Variants in OR1I1 observed in about 807,000 individuals in gnomAD.
OR1I1 encodes olfactory receptor family 1 subfamily I member 1, also known as olfactory receptor 1I1.
For missense variants in OR1I1, 451 were observed against 443.6 expected (o/e 1.02, Z -0.15); for synonymous variants, 171 against 181.4 (o/e 0.94, Z 0.46).
rs149095426 is a variant in OR1I1, at chr19:15,088,089, C to T, written c.1024C>T (p.Pro342Ser). 5.1e-6 allele frequency: 8 copies of T among 1,566,548 alleles called. No individual in the cohort carries two copies. In the East Asian group the frequency reaches 1.6e-4, roughly 32 times the overall value. The change falls in exon 2 of 2, where the codon CCT (proline) becomes TCT (serine). Residue 342 changes from proline to serine, a missense_variant. Coordinates refer to ENST00000641398, the MANE Select transcript of OR1I1 (RefSeq NM_001004713.2). ...CACAGAGATGCATCCCATCCCCTAC[C>T]CTGGAGGAGTTCAGAGTCTAGCTGG... ...RDTEMHPIPY[P>S]GGVQSLAGNR...
At chr19:15,085,139 T>C (rs1236561765) in intron 1 of OR1I1, among the ~76,000 whole-genome samples, 1 of 10,664 alleles carries the variant, frequency 9.4e-5, no homozygotes, top group Admixed American at 6.8e-4. Context: ...CTTATATATA[T>C]ATATATATAT....
intron 1 of OR1I1, among the ~76,000 whole-genome samples, chr19:15,086,528 G>A (rs1037687210): frequency 4.6e-5 from 7 of 151,062 alleles, no homozygotes; most frequent in Non-Finnish European, 3.0e-5. Flanking sequence ...ATCTCTGCTC[G>A]CTGCAAACTT....
At chr19:15,085,572 T>C (rs2046227406) in intron 1 of OR1I1, among the ~76,000 whole-genome samples, 1 of 152,092 alleles carries the variant, frequency 6.6e-6, no homozygotes, top group Admixed American at 6.6e-5. Context: ...TCTGAGTTTC[T>C]CTGGTATACA....
At chr19:15,085,016 T>A (rs2046222511) in intron 1 of OR1I1, among the ~76,000 whole-genome samples, 2 of 150,516 alleles carry the variant, frequency 1.3e-5, no homozygotes, top group Admixed American at 1.3e-4. Context: ...ATAGATCTTG[T>A]ATTAGATAAT....
intron 1 of OR1I1, among the ~76,000 whole-genome samples, chr19:15,084,140 C>A (rs1242441251): frequency 6.6e-6 from 1 of 152,206 alleles, no homozygotes; most frequent in Non-Finnish European, 1.5e-5. Flanking sequence ...AGTCTAAATT[C>A]AAAGGCGAGA....
intron 1 of OR1I1, among the ~76,000 whole-genome samples, chr19:15,082,654 A>T (rs747071809): frequency 1.3e-5 from 2 of 151,708 alleles, no homozygotes; most frequent in Non-Finnish European, 1.5e-5. Context: ...CAGCTCCCCA[A>T]GTGTGGTCCC....
rs140803534 is a variant in OR1I1, at chr19:15,087,719, C to T, written c.654C>T (p.Tyr218=). ...CATTCTCCTGCATCCTTCTCTCGTA[C>T]ATCCGCATTTTCTGGACAGTCTTTA... ...TSPFSCILLS[Y]IRIFWTVFKI... The change falls in exon 2 of 2, where the codon TAC becomes TAT. Residue 218 remains tyrosine (Y), a synonymous_variant. Transcript: ENST00000641398. 3.1e-6 allele frequency: 5 copies of T among 1,614,122 alleles called. No homozygotes were observed. Among genetic ancestry groups the T allele is most frequent in the Non-Finnish European group, 4.2e-6 (5 of 1,180,054 alleles).
In OR1I1 at chr19:15,088,340, G is replaced by T; in HGVS notation, c.*207G>T. 6 of 566,164 alleles carry T rather than the reference G, an allele frequency of 1.1e-5. No homozygotes were observed. Among genetic ancestry groups the T allele is most frequent in the Non-Finnish European group, 1.5e-5 (5 of 329,670 alleles). 35.1% of individuals were successfully genotyped at this position (566,164 alleles called of 1,614,324 possible). ...ATAAGAGTAGTTGAAAACAAGAGAC[G>T]TAGCTACACTCATTTTAGTATTGAC... On this transcript the variant is annotated 3_prime_UTR_variant, in exon 2 of 2. Coordinates refer to ENST00000641398, the MANE Select transcript of OR1I1 (RefSeq NM_001004713.2).
chr19:15,085,153 TATATATATATATATATA>T (rs2046224125), intron 1 of OR1I1, among the ~76,000 whole-genome samples: 13 of 54,104 alleles, frequency 2.4e-4, no homozygotes, highest in African/African-American at 7.2e-4. Flanking sequence ...TATATATATA[TATATATATATATATATA>T]TATATATTTT....
rs553940038 is a variant in OR1I1 at position 15,089,827 on chromosome 19, C to T, written c.*1694C>T. On this transcript the variant is annotated 3_prime_UTR_variant, in exon 2 of 2. Coordinates refer to ENST00000641398, the MANE Select transcript of OR1I1 (RefSeq NM_001004713.2). ...CTCCAGCCTGGGAAACAGAGCAAGG[C>T]CCTGTCTGCAAAAGTAATAATAATA... 6 of 152,102 alleles carry T rather than the reference C, an allele frequency of 3.9e-5. No individual in the cohort carries two copies. The East Asian group carries it at 7.7e-4, about 20-fold the overall frequency. The allele number at this position is 152,102 out of a possible 1,614,324, so 9.4% of individuals were successfully genotyped here.
rs1381041464 is a variant in OR1I1 at position 15,092,645 on chromosome 19, T to C, written c.*4512T>C. The C allele has an allele frequency of 1.3e-5, 2 of 152,204 alleles. No individual in the cohort carries two copies. Among genetic ancestry groups the C allele is most frequent in the Non-Finnish European group, 1.5e-5 (1 of 68,044 alleles). 9.4% of individuals were successfully genotyped at this position (152,204 alleles called of 1,614,324 possible). A position where few individuals can be genotyped will look rare whatever the true frequency, so the allele number is the denominator to read the frequency against. On this transcript the variant is annotated 3_prime_UTR_variant, in exon 2 of 2. Transcript: ENST00000641398. The stretch of plus-strand genomic sequence containing the variant: ...ACACAGAAGCTTCCATTTCATATCA[T>C]AGTACATGTCATACCTTGTAGCCTT...
intron 1 of OR1I1, among the ~76,000 whole-genome samples, chr19:15,086,440 CTTT>C (rs1413650315): frequency 6.6e-6 from 1 of 151,946 alleles, no homozygotes; most frequent in Non-Finnish European, 1.5e-5. Flanking sequence ...GCTTGATTTT[CTTT>C]TTTTATTTTT....
rs572919547 is a variant in OR1I1 at position 15,087,573 on chromosome 19, G to C, written c.508G>C (p.Ala170Pro). ...TCLMAQLTFC[A>P]GSEISHFFCD... ...CCTCATGGCTCAACTGACCTTCTGCGCCGGCTCTGAAATCTCCCACTTCTT... is the reference window on the plus strand; with the variant it reads ...CCTCATGGCTCAACTGACCTTCTGCCCCGGCTCTGAAATCTCCCACTTCTT... Residue 170 changes from alanine to proline, a missense_variant, in exon 2 of 2, where the codon GCC becomes CCC. By Grantham distance (27) the Ala-to-Pro change is conservative (BLOSUM62 -1). Transcript: ENST00000641398. The C allele has an allele frequency of 6.2e-7, 1 of 1,613,860 alleles. No individual in the cohort carries two copies. Among genetic ancestry groups the C allele is most frequent in the Non-Finnish European group, 8.5e-7 (1 of 1,180,044 alleles).
At position 15,088,196 on chromosome 19, in the gene OR1I1, A is replaced by G; in HGVS notation, c.*63A>G. 6.8e-7 allele frequency: 1 copy of G among 1,474,832 alleles called. No individual in the cohort carries two copies. Among genetic ancestry groups the G allele is most frequent in the East Asian group, 2.5e-5 (1 of 40,288 alleles). The allele number at this position is 1,474,832 out of a possible 1,614,324, so 91.4% of individuals were successfully genotyped here. ...GATGAACAAAGTGTATGAGCACCCA[A>G]AGGAAAGGTGTGCATTTTCCCCAGG... On this transcript the variant is annotated 3_prime_UTR_variant, in exon 2 of 2. Transcript: ENST00000641398.
At chr19:15,086,329 A>G (rs2046230003) in intron 1 of OR1I1, among the ~76,000 whole-genome samples, 2 of 152,076 alleles carry the variant, frequency 1.3e-5, no homozygotes, top group South Asian at 4.2e-4. Flanking sequence ...AAGAAAAAGG[A>G]AAAAGAAAAC....
Position 15,087,121 on chromosome 19 carries a change from A to C in OR1I1, c.56A>C (p.Glu19Ala). Residue 19 changes from glutamate to alanine, a missense_variant, in exon 2 of 2, where the codon GAA becomes GCA. Coordinates refer to ENST00000641398, the MANE Select transcript of OR1I1 (RefSeq NM_001004713.2). ...GAATTCTTCCTCCAGGGACTCTCAG[A>C]AAAGCCAGAGCATCAGACCCTCCTC... The part of the protein sequence containing the change: ...ISEFFLQGLS[E>A]KPEHQTLLFT... 6.2e-7 allele frequency: 1 copy of C among 1,614,090 alleles called. No individual in the cohort carries two copies. The highest frequency in any genetic ancestry group is 8.5e-7 in the Non-Finnish European group (1 of 1,180,004).
chr19:15,085,176 A>ATAT (rs1555717400), intron 1 of OR1I1, among the ~76,000 whole-genome samples: 9 of 80,116 alleles, frequency 1.1e-4, no homozygotes, highest in Admixed American at 3.6e-4. Context: ...ATATATATAT[A>ATAT]TTTTTTTTTT....
rs751591000 is a variant in OR1I1, at chr19:15,088,115, G to T, written c.1050G>T (p.Gly350=). 1 of 1,556,016 alleles carries T rather than the reference G, an allele frequency of 6.4e-7. No individual in the cohort carries two copies. The highest frequency in any genetic ancestry group is 1.2e-5 in the South Asian group (1 of 84,968). ...CTGGAGGAGTTCAGAGTCTAGCTGGGAACAGAGACATGGAATAAATCCTTC... is the reference window on the plus strand; with the variant it reads ...CTGGAGGAGTTCAGAGTCTAGCTGGTAACAGAGACATGGAATAAATCCTTC... ...PYPGGVQSLA[G]NRDME Residue 350 remains glycine, a synonymous_variant, in exon 2 of 2, where the codon GGG becomes GGT. Coordinates refer to ENST00000641398, the MANE Select transcript of OR1I1 (RefSeq NM_001004713.2).
rs35396476 is a variant in OR1I1, at chr19:15,087,969, G to A, written c.904G>A (p.Gly302Arg). The change falls in exon 2 of 2, where the codon GGG becomes AGG. Residue 302 changes from glycine (G) to arginine (R), a missense_variant. Gly to Arg is a moderately radical substitution (Grantham distance 125, BLOSUM62 -2). Coordinates refer to ENST00000641398, the MANE Select transcript of OR1I1 (RefSeq NM_001004713.2). Reference protein sequence around the residue: ...IRNKDMKAALGKLIGKVAVPC... With the variant: ...IRNKDMKAALRKLIGKVAVPC... Reference sequence around the variant, plus strand: ...GAACAAGGATATGAAGGCAGCCCTGGGGAAGCTCATCGGCAAAGTGGCCGT... The same window carrying A: ...GAACAAGGATATGAAGGCAGCCCTGAGGAAGCTCATCGGCAAAGTGGCCGT... The A allele has an allele frequency of 2.5e-4, 396 of 1,614,036 alleles. No individual in the cohort carries two copies. The highest frequency in any genetic ancestry group is 9.1e-4 in the South Asian group (83 of 91,082).
Sources: gnomAD v4.1 joint callset for allele counts (sites outside exome capture counted in the v4.1 genomes callset) on GRCh38, gnomAD v4.1.1 for gene constraint, MANE v1.5 for transcripts, NCBI Gene and HGNC (gene_info 2026-07-23, HGNC 2026-07-21) for gene names.